The following GRID2 variants were observed in gnomAD, a reference collection of about 807,000 sequenced individuals.
GRID2 encodes the protein glutamate receptor ionotropic, delta-2.
Under a neutral mutation model 114.8 loss-of-function variants are expected in GRID2, and 33 were observed. The observed-to-expected ratio is 0.29, with a 90% CI of 0.22 to 0.38. GRID2 has a LOEUF of 0.38. GRID2 is among the 10% of genes least tolerant of loss of function. The pLI, the probability that GRID2 is intolerant of heterozygous loss-of-function variation, is 1.00. For synonymous variants in GRID2, 505 were observed against 449.9 expected (o/e 1.12, Z -1.55); for missense variants, 1,184 against 1,257.7 (o/e 0.94, Z 0.89).
chr4:93,325,396 C>G (rs566191130), intron 8 of GRID2, among the ~76,000 whole-genome samples: 1 of 152,192 alleles, frequency 6.6e-6, no homozygotes, highest in Admixed American at 6.6e-5. Context: ...GACTCATTCA[C>G]TCTGCTCTAA....
chr4:92,320,510 T>C (rs1726254789), intron 1 of GRID2, among the ~76,000 whole-genome samples: 1 of 152,144 alleles, frequency 6.6e-6, no homozygotes, highest in African/African-American at 2.4e-5. Flanking sequence ...AGTCTCACTC[T>C]GTTGCCCAGA....
intron 1 of GRID2, among the ~76,000 whole-genome samples, chr4:92,384,341 T>G (rs1446745695): frequency 7.1e-6 from 1 of 141,094 alleles, no homozygotes; most frequent in Non-Finnish European, 1.5e-5. Flanking sequence ...AGTACAGTTT[T>G]AAAAGTATGT....
chr4:92,912,697 A>G (rs1748479726), intron 2 of GRID2, among the ~76,000 whole-genome samples: 1 of 151,854 alleles, frequency 6.6e-6, no homozygotes, highest in African/African-American at 2.4e-5. Flanking sequence ...ATTTTGTGAT[A>G]TTATTTAATT....
At chr4:92,884,771 T>C in intron 2 of GRID2, 1 of 302,462 alleles carries the variant, frequency 3.3e-6, no homozygotes, top group Non-Finnish European at 6.8e-6. Context: ...GAGTGGAAGC[T>C]CTTCTCAATT....
intron 1 of GRID2, among the ~76,000 whole-genome samples, chr4:93,792,777 G>A (rs1055266066): frequency 1.3e-5 from 2 of 152,160 alleles, no homozygotes; most frequent in Admixed American, 6.5e-5. Context: ...TACAACAAGG[G>A]CATTTGTGAT....
chr4:93,359,824 T>C (rs375146009), intron 8 of GRID2, among the ~76,000 whole-genome samples: 16 of 112,204 alleles, frequency 1.4e-4, no homozygotes, highest in African/African-American at 5.5e-4. Flanking sequence ...GAGTCAGTAA[T>C]GGGAAGGCAG....
chr4:93,060,729 T>G (rs1727705494), intron 2 of GRID2, among the ~76,000 whole-genome samples: 1 of 152,176 alleles, frequency 6.6e-6, no homozygotes, highest in African/African-American at 2.4e-5. Context: ...AAAAATAAAT[T>G]TACAAAATTT....
At chr4:93,258,503 C>T (rs1749874293) in intron 8 of GRID2, among the ~76,000 whole-genome samples, 1 of 151,250 alleles carries the variant, frequency 6.6e-6, no homozygotes, top group South Asian at 2.1e-4. Flanking sequence ...ATGACAGACA[C>T]ATGGAAAAAA....
At chr4:93,704,100 G>A (rs867065306) in intron 14 of GRID2, among the ~76,000 whole-genome samples, 24 of 152,090 alleles carry the variant, frequency 1.6e-4, no homozygotes, top group South Asian at 1.2e-3. Flanking sequence ...GAACTAGTTG[G>A]CAGTCCCACC....
chr4:92,533,190 TTG>T, intron 1 of GRID2, among the ~76,000 whole-genome samples: 2 of 143,076 alleles, frequency 1.4e-5, no homozygotes, highest in Non-Finnish European at 3.1e-5. Flanking sequence ...GTGTGTTTTT[TTG>T]TTTTTTTTGT....
intron 8 of GRID2, among the ~76,000 whole-genome samples, chr4:93,275,138 G>A (rs146933713): frequency 6.6e-6 from 1 of 151,778 alleles, no homozygotes; most frequent in Non-Finnish European, 1.5e-5. Context: ...GCCTATTCTA[G>A]ACATTTCACA....
In GRID2 at chr4:93,086,914, ATATTCT is replaced by A. The variant is rs1466149671; in HGVS notation, c.529+1639_529+1644del. On this transcript the variant is annotated intron_variant, in intron 3 of 15. Transcript: ENST00000282020. ...GGTATTTTCTTTTTTTACTTAAATGATATTCTTATGACCTCTGATCAAACATATATT... is the reference window on the plus strand; with the variant it reads ...GGTATTTTCTTTTTTTACTTAAATGATATGACCTCTGATCAAACATATATT... Among the ~76,000 whole-genome samples the A allele has an allele frequency of 7.2e-5, 11 of 152,270 alleles. No homozygotes were observed. The East Asian group carries it at 2.1e-3, about 29-fold the overall frequency.
chr4:92,372,061 G>A (rs1729140220), intron 1 of GRID2, among the ~76,000 whole-genome samples: 1 of 152,174 alleles, frequency 6.6e-6, no homozygotes, highest in Admixed American at 6.5e-5. Context: ...CTAAAGATGT[G>A]AATGAATCGC....
At chr4:93,743,537 G>A (rs1230447392) in intron 14 of GRID2, among the ~76,000 whole-genome samples, 1 of 152,212 alleles carries the variant, frequency 6.6e-6, no homozygotes, top group Non-Finnish European at 1.5e-5. Flanking sequence ...GGCATCTGGT[G>A]GAAGCCTCAG....
chr4:93,496,631 G>A (rs1727574891), intron 12 of GRID2, among the ~76,000 whole-genome samples: 1 of 151,792 alleles, frequency 6.6e-6, no homozygotes, highest in Non-Finnish European at 1.5e-5. Flanking sequence ...ATCAGAGTAT[G>A]TGGCCTTTCG....
chr4:92,413,059 G>A (rs993427082), intron 1 of GRID2, among the ~76,000 whole-genome samples: 1 of 152,048 alleles, frequency 6.6e-6, no homozygotes, highest in African/African-American at 2.4e-5. Flanking sequence ...TTTAGTATTT[G>A]TATAAATTTA....
At chr4:93,097,442 A>C (rs10013748) in intron 3 of GRID2, among the ~76,000 whole-genome samples, 60,931 of 151,738 alleles carry the variant, frequency 0.4, 12,579 homozygotes, top group Admixed American at 0.55. Context: ...CATAAAAAAA[A>C]GGTGAGAATT....
chr4:93,808,817 C>T (rs937440939), exon 2 of GRID2: 1 of 152,258 alleles, frequency 6.6e-6, no homozygotes, highest in Admixed American at 6.5e-5. Context: ...CCAGGGGAGT[C>T]ACCAGCCATT....
chr4:93,298,308 A>T (rs1455562537), intron 8 of GRID2, among the ~76,000 whole-genome samples: 1 of 152,194 alleles, frequency 6.6e-6, no homozygotes, highest in Non-Finnish European at 1.5e-5. Flanking sequence ...ACAGTTCTGA[A>T]GGCTGAAGTC....
Sources: gnomAD v4.1 joint callset for allele counts (sites outside exome capture counted in the v4.1 genomes callset) on GRCh38, gnomAD v4.1.1 for gene constraint, MANE v1.5 for transcripts, NCBI Gene and HGNC (gene_info 2026-07-23, HGNC 2026-07-21) for gene names.